Variants in RAB20 observed in about 807,000 individuals in gnomAD.
The protein encoded by RAB20 is ras-related protein Rab-20.
In RAB20, 2 loss-of-function variants were observed where a neutral mutation model predicts 3.7. The observed-to-expected ratio is 0.54, with a 90% CI of 0.22 to 1.69. The LOEUF (loss-of-function observed/expected upper bound fraction) is 1.69. Among genes scored for constraint, RAB20 ranks in the 40% most tolerant of loss-of-function variants. The pLI is 0.19. For missense variants in RAB20, 276 were observed against 311.9 expected (o/e 0.88, Z 0.87); for synonymous variants, 126 against 130.8 (o/e 0.96, Z 0.25).
chr13:110,537,419 T>C (rs551626473), intron 1 of RAB20, among the ~76,000 whole-genome samples: 1 of 152,048 alleles, frequency 6.6e-6, no homozygotes, highest in East Asian at 1.9e-4. Context: ...CTTCTTCAGA[T>C]ATGTGAGAAG....
At chr13:110,528,428 C>A (rs426003) in intron 1 of RAB20, among the ~76,000 whole-genome samples, 33,907 of 135,426 alleles carry the variant, frequency 0.25, 4,408 homozygotes, top group East Asian at 0.32. Flanking sequence ...AAAAAAAAAA[C>A]AAAAAACAGA....
chr13:110,543,306 T>G (rs1474341727), intron 1 of RAB20, among the ~76,000 whole-genome samples: 1 of 152,112 alleles, frequency 6.6e-6, no homozygotes. Flanking sequence ...TTTTTCTTAT[T>G]TTTTTGTAGA....
chr13:110,551,479 G>C (rs1048597005), intron 1 of RAB20, among the ~76,000 whole-genome samples: 1 of 152,132 alleles, frequency 6.6e-6, no homozygotes, highest in Non-Finnish European at 1.5e-5. Context: ...AGTGCTGGAG[G>C]GGCTCTGAGC....
intron 1 of RAB20, among the ~76,000 whole-genome samples, chr13:110,534,809 G>A (rs1035240872): frequency 4.6e-5 from 7 of 152,160 alleles, no homozygotes; most frequent in Non-Finnish European, 7.3e-5. Context: ...TTTCCAAAAC[G>A]AAGAGCAGAA....
At chr13:110,554,232 C>T (rs1885001987) in intron 1 of RAB20, among the ~76,000 whole-genome samples, 1 of 152,256 alleles carries the variant, frequency 6.6e-6, no homozygotes, top group Non-Finnish European at 1.5e-5. Context: ...GCAGTCCTCA[C>T]ACAAGTCAAA....
In RAB20 at chr13:110,523,352, G is replaced by C; in HGVS notation, c.*313C>G. 1 of 525,364 alleles carries C rather than the reference G, an allele frequency of 1.9e-6. No individual in the cohort carries two copies. The highest frequency in any genetic ancestry group is 3.3e-6 in the Non-Finnish European group (1 of 304,632). 32.5% of individuals were successfully genotyped at this position (525,364 alleles called of 1,614,324 possible). A position where few individuals can be genotyped will look rare whatever the true frequency, so the allele number is the denominator to read the frequency against. Reference sequence around the variant, plus strand: ...GGCTTCTGCCTCTGCAAGGGCAAGGGGGCCGTTGGTGGCTGGCTGCAAAGG... The same window carrying C: ...GGCTTCTGCCTCTGCAAGGGCAAGGCGGCCGTTGGTGGCTGGCTGCAAAGG... On this transcript the variant is annotated 3_prime_UTR_variant, in exon 2 of 2. Transcript: ENST00000267328.
At chr13:110,525,705 C>T (rs966675630) in intron 1 of RAB20, among the ~76,000 whole-genome samples, 11 of 152,242 alleles carry the variant, frequency 7.2e-5, no homozygotes, top group South Asian at 2.1e-4. Context: ...CAGGGAGGGC[C>T]GAGCCGAGCA....
chr13:110,535,773 C>T (rs879572768), intron 1 of RAB20, among the ~76,000 whole-genome samples: 4 of 152,252 alleles, frequency 2.6e-5, no homozygotes, highest in Non-Finnish European at 5.9e-5. Context: ...TGCTCTCAGC[C>T]CAGCAGCAGT....
intron 1 of RAB20, among the ~76,000 whole-genome samples, chr13:110,533,969 C>A (rs953022246): frequency 1.3e-5 from 2 of 152,218 alleles, no homozygotes; most frequent in Non-Finnish European, 2.9e-5. Context: ...CCCACATGCA[C>A]CAAAGCCTCC....
chr13:110,530,090 C>T (rs1884505056), intron 1 of RAB20, among the ~76,000 whole-genome samples: 1 of 152,134 alleles, frequency 6.6e-6, no homozygotes, highest in Admixed American at 6.5e-5. Flanking sequence ...GCCCTGCTCA[C>T]TGCAGACAGG....
rs929421926 is a variant in RAB20 at position 110,531,532 on chromosome 13, C to A, written c.173-7335G>T. On this transcript the variant is annotated intron_variant, in intron 1 of 1. Transcript: ENST00000267328. The stretch of plus-strand genomic sequence containing the variant: ...TAGACATGCGGTACCTCAGTTTCCC[C>A]GTCACTAAAATGTGGGTTACACCTG... Among the ~76,000 whole-genome samples, 6 of 152,344 alleles carry A rather than the reference C, an allele frequency of 3.9e-5. No individual in the cohort carries two copies. The East Asian group carries it at 1.2e-3, about 29-fold the overall frequency.
chr13:110,553,522 G>A (rs1274173069), intron 1 of RAB20, among the ~76,000 whole-genome samples: 1 of 152,228 alleles, frequency 6.6e-6, no homozygotes, highest in Non-Finnish European at 1.5e-5. Flanking sequence ...GGTGCTGTCT[G>A]GTCTCTGTTG....
At chr13:110,527,222 C>T (rs1295632266) in intron 1 of RAB20, among the ~76,000 whole-genome samples, 1 of 152,038 alleles carries the variant, frequency 6.6e-6, no homozygotes, top group Non-Finnish European at 1.5e-5. Context: ...GGCGATGCTG[C>T]CTGGATTTTG....
Position 110,561,400 on chromosome 13 carries a change from G to A in RAB20, c.120C>T (p.Ala40=), listed in dbSNP as rs1378280691. ...AGGAGCGCCACTGCTTCAGGTAGAA[G>A]GCGCCGCCCACCGTGCTGACCGTGT... ...FPDTVSTVGG[A]FYLKQWRSYN... Residue 40 remains alanine, a synonymous_variant, in exon 1 of 2, where the codon GCC becomes GCT. Transcript: ENST00000267328. 9.9e-6 allele frequency: 16 copies of A among 1,609,836 alleles called. No homozygotes were observed. Among genetic ancestry groups the A allele is most frequent in the Admixed American group, 1.7e-5 (1 of 59,840 alleles).
intron 1 of RAB20, among the ~76,000 whole-genome samples, chr13:110,554,463 C>CT (rs1885006161): frequency 6.6e-6 from 1 of 152,220 alleles, no homozygotes; most frequent in Admixed American, 6.5e-5. Context: ...TGAACTCTCC[C>CT]TCTCATTCGG....
chr13:110,543,777 T>A lies in RAB20; in HGVS notation c.172+17571A>T, dbSNP rs111594651. Among the ~76,000 whole-genome samples, 369 of 82,230 alleles carry A rather than the reference T, an allele frequency of 4.5e-3. 1 individual carries two copies. The highest frequency in any genetic ancestry group is 0.012 in the African/African-American group (270 of 23,044). 53.9% of individuals were successfully genotyped at this position (82,230 alleles called of 152,430 possible). On this transcript the variant is annotated intron_variant, in intron 1 of 1. Coordinates refer to ENST00000267328, the MANE Select transcript of RAB20 (RefSeq NM_017817.3). The stretch of plus-strand genomic sequence containing the variant: ...ACTCTTTAATCAAATGTGGGTTATT[T>A]TTTTTTTTTTTTTTTTGAGACGGAG...
intron 1 of RAB20, among the ~76,000 whole-genome samples, chr13:110,545,788 A>G (rs1884840278): frequency 6.6e-6 from 1 of 152,226 alleles, no homozygotes; most frequent in African/African-American, 2.4e-5. Flanking sequence ...AGGGCACAAT[A>G]GGAGTCTGTA....
chr13:110,539,520 C>T (rs913158348), intron 1 of RAB20, among the ~76,000 whole-genome samples: 2 of 150,738 alleles, frequency 1.3e-5, no homozygotes, highest in Non-Finnish European at 2.9e-5. Flanking sequence ...TTTAAATATA[C>T]ATCAATGCAT....
At chr13:110,558,786 C>T (rs1051329628) in intron 1 of RAB20, among the ~76,000 whole-genome samples, 1 of 150,282 alleles carries the variant, frequency 6.7e-6, no homozygotes, top group East Asian at 2.0e-4. Flanking sequence ...GCAACCTCTG[C>T]CTCCTGGTTC....
Sources: gnomAD v4.1 joint callset for allele counts (sites outside exome capture counted in the v4.1 genomes callset) on GRCh38, gnomAD v4.1.1 for gene constraint, MANE v1.5 for transcripts, NCBI Gene and HGNC (gene_info 2026-07-23, HGNC 2026-07-21) for gene names.